Variants in PDGFA observed in about 807,000 individuals in gnomAD.
The protein encoded by PDGFA is platelet-derived growth factor subunit A.
In PDGFA, 9 loss-of-function variants were observed where a neutral mutation model predicts 25.6. That is an observed-to-expected ratio of 0.35 (90% CI 0.21 to 0.61). PDGFA has a LOEUF of 0.61. PDGFA is among the 20% of genes least tolerant of loss of function. The pLI, the probability that PDGFA is intolerant of heterozygous loss-of-function variation, is 0.75. For missense variants in PDGFA, 242 were observed against 272.8 expected, an observed-to-expected ratio of 0.89 and a Z score of 0.79; for synonymous variants, 133 against 111.8, an observed-to-expected ratio of 1.19 and a Z score of -1.20.
chr7:512,719 G>A (rs138946056), intron 2 of PDGFA: 13,216 of 1,317,454 alleles, frequency 0.01, 106 homozygotes, highest in Middle Eastern at 0.024. Context: ...TCAGGGGCCC[G>A]TGACGAAGCG....
At chr7:498,414 G>A (rs2128387334) in exon 6 of PDGFA, 2 of 722,300 alleles carry the variant, frequency 2.8e-6, no homozygotes, top group East Asian at 2.7e-5. Context: ...AATGTGCACT[G>A]TCTCTTTGTT....
chr7:516,105 C>A (rs956942453), intron 2 of PDGFA, among the ~76,000 whole-genome samples: 3 of 142,892 alleles, frequency 2.1e-5, no homozygotes, highest in South Asian at 2.3e-4. Flanking sequence ...GATTCCCCCC[C>A]ACAAACCAGA....
intron 1 of PDGFA, among the ~76,000 whole-genome samples, chr7:518,172 G>A (rs1167704310): frequency 6.6e-6 from 1 of 152,162 alleles, no homozygotes; most frequent in Non-Finnish European, 1.5e-5. Context: ...ACCTCGCGCA[G>A]CTCTCCGTGC....
chr7:514,308 C>T (rs554190483), intron 2 of PDGFA, among the ~76,000 whole-genome samples: 33 of 152,306 alleles, frequency 2.2e-4, no homozygotes, highest in African/African-American at 7.9e-4. Context: ...CACCCTCTAG[C>T]CCTGGCTTAA....
At chr7:499,327 T>C (rs1485299418) in intron 5 of PDGFA, among the ~76,000 whole-genome samples, 1 of 152,228 alleles carries the variant, frequency 6.6e-6, no homozygotes, top group African/African-American at 2.4e-5. Context: ...AAGAGGCTCC[T>C]CATGAATGGA....
intron 4 of PDGFA, among the ~76,000 whole-genome samples, chr7:507,975 G>C (rs1431798603): frequency 6.6e-6 from 1 of 152,150 alleles, no homozygotes; most frequent in Non-Finnish European, 1.5e-5. Flanking sequence ...GGCTTCAAAA[G>C]GGGAGTGAGT....
At position 510,796 on chromosome 7, in the gene PDGFA, G is replaced by C. The variant is rs1433600956; in HGVS notation, c.453+13C>G. On this transcript the variant is annotated intron_variant, in intron 4 of 5. Transcript: ENST00000402802. ...GGGGAGGGGAGGGGAGGGGAGGGGA[G>C]GGGAGGGCTCACCTTGACGCTGCGG... 11 of 1,420,016 alleles carry C rather than the reference G, an allele frequency of 7.7e-6. No individual in the cohort carries two copies. In the East Asian group the frequency reaches 2.8e-4, roughly 36 times the overall value. The allele number at this position is 1,420,016 out of a possible 1,614,324, so 88.0% of individuals were successfully genotyped here.
At chr7:519,063 G>A (rs1036533460) in exon 1 of PDGFA, 3 of 1,330,048 alleles carry the variant, frequency 2.3e-6, no homozygotes, top group African/African-American at 1.5e-5. Context: ...CGCTCCAGCC[G>A]GTCTCCTGTG....
upstream of PDGFA, chr7:520,209 C>G: frequency 4.4e-6 from 1 of 228,456 alleles, no homozygotes; most frequent in Non-Finnish European, 8.9e-6. Flanking sequence ...CTCTCGGGCC[C>G]CAGCGGCGGC....
chr7:508,653 C>T (rs968913982), intron 4 of PDGFA, among the ~76,000 whole-genome samples: 2 of 148,032 alleles, frequency 1.4e-5, no homozygotes, highest in African/African-American at 2.5e-5. Flanking sequence ...CTAGGGGCCG[C>T]ACCCGCCTGT....
chr7:512,238 T>A, intron 3 of PDGFA, 113 bp downstream of exon 3: 1 of 1,024,868 alleles, frequency 9.8e-7, no homozygotes, highest in South Asian at 1.6e-5. Flanking sequence ...CTGAGGCCAC[T>A]GCGCTGGGAG....
In PDGFA at chr7:500,991, C is replaced by A; in HGVS notation, c.580+125G>T. On this transcript the variant is annotated intron_variant, in intron 5 of 5. Transcript: ENST00000402802. This position sits in a 1 kb window ranked among gnomAD's most constrained non-coding sequence, Gnocchi z 5.0. ...TGGCCCGGGAGCAGGGCAACGAATC[C>A]TTCAACAGCAGCCCAGATGCTCACA... The A allele has an allele frequency of 6.2e-7, 1 of 1,602,912 alleles. No individual in the cohort carries two copies. The highest frequency in any genetic ancestry group is 8.5e-7 in the Non-Finnish European group (1 of 1,179,060).
intron 4 of PDGFA, among the ~76,000 whole-genome samples, chr7:509,254 A>T (rs1191038838): frequency 1.3e-5 from 2 of 152,238 alleles, no homozygotes; most frequent in African/African-American, 4.8e-5. Context: ...GGACGGCGTT[A>T]GGAGGTGGGG....
exon 3 of PDGFA, chr7:512,409 A>G (rs1129401): frequency 0.26 from 415,854 of 1,613,410 alleles, 55,110 homozygotes; most frequent in East Asian, 0.36. Context: ...GCTTAGTGGC[A>G]TGGACCCCGT....
intron 5 of PDGFA, among the ~76,000 whole-genome samples, chr7:499,270 A>C (rs1016592352): frequency 6.6e-6 from 1 of 152,230 alleles, no homozygotes; most frequent in Non-Finnish European, 1.5e-5. Context: ...GCTGACCAAC[A>C]GTCCTGGACT....
At chr7:515,764 T>TC (rs1783059460) in intron 2 of PDGFA, among the ~76,000 whole-genome samples, 2 of 113,736 alleles carry the variant, frequency 1.8e-5, no homozygotes, top group Non-Finnish European at 4.1e-5. Flanking sequence ...GGGGCATCCT[T>TC]GTTTTTTTCT....
At chr7:504,800 C>T (rs1583143024) in intron 4 of PDGFA, among the ~76,000 whole-genome samples, 1 of 152,208 alleles carries the variant, frequency 6.6e-6, no homozygotes, top group Non-Finnish European at 1.5e-5. Flanking sequence ...GGGCCTGGCT[C>T]GGCAGAGACC....
chr7:501,142 T>C (rs1008179895), exon 5 of PDGFA: 2 of 1,614,186 alleles, frequency 1.2e-6, no homozygotes, highest in African/African-American at 1.3e-5. Context: ...ATAATCCGGA[T>C]TCAGGCTTGT....
At chr7:502,534 C>T (rs942887196) in intron 4 of PDGFA, among the ~76,000 whole-genome samples, 5 of 152,214 alleles carry the variant, frequency 3.3e-5, no homozygotes, top group African/African-American at 1.2e-4. Context: ...GGCCAGCAGG[C>T]CGTGGCTATC....
Sources: allele counts gnomAD v4.1 joint callset (sites outside exome capture counted in the v4.1 genomes callset), GRCh38; gene constraint gnomAD v4.1.1; non-coding constraint Gnocchi (gnomAD v3.1); transcripts MANE v1.5; gene names NCBI Gene and HGNC (gene_info 2026-07-23, HGNC 2026-07-21).